Variants in ABHD12 observed in about 807,000 individuals in gnomAD.
The protein encoded by ABHD12 is abhydrolase domain containing 12, lysophospholipase.
Under a neutral mutation model 58.3 loss-of-function variants are expected in ABHD12, and 43 were observed. That is an observed-to-expected ratio of 0.74 (90% CI 0.58 to 0.95). ABHD12 has a LOEUF of 0.95. ABHD12 is among the 40% of genes least tolerant of loss of function. The pLI, the probability that ABHD12 is intolerant of heterozygous loss-of-function variation, is 0.00. For synonymous variants in ABHD12, 219 were observed against 211.2 expected, an observed-to-expected ratio of 1.04 and a Z score of -0.32; for missense variants, 539 against 537.2, an observed-to-expected ratio of 1.00 and a Z score of -0.03.
chr20:25,361,679 G>C (rs1488364401), intron 1 of ABHD12, among the ~76,000 whole-genome samples: 1 of 152,226 alleles, frequency 6.6e-6, no homozygotes, highest in African/African-American at 2.4e-5. Context: ...CCTGGGACCG[G>C]GCGTGGTGGC....
At chr20:25,315,109 T>C (rs2088935340) in intron 5 of ABHD12, 139 bp from the exon 6 acceptor site, 2 of 892,212 alleles carry the variant, frequency 2.2e-6, no homozygotes, top group Admixed American at 3.9e-5. Flanking sequence ...TGTGACATGC[T>C]GCCTGACTCC....
rs550147398 is a variant in ABHD12 at position 25,314,527 on chromosome 20, C to T, written c.619+398G>A. Among the ~76,000 whole-genome samples, 5 of 152,068 alleles carry T rather than the reference C, an allele frequency of 3.3e-5. 1 individual carries two copies. Among genetic ancestry groups the T allele is most frequent in the Admixed American group, 3.3e-4 (5 of 15,262 alleles). On this transcript the variant is annotated intron_variant, in intron 6 of 12. Transcript: ENST00000339157. ...ACCCCATTTCTACTAAAAACAAAAA[C>T]AAAACAGCGGGTGTGGTGTCGCATT...
chr20:25,385,563 C>T (rs2146143369), intron 1 of ABHD12, among the ~76,000 whole-genome samples: 1 of 152,092 alleles, frequency 6.6e-6, no homozygotes, highest in South Asian at 2.1e-4. Context: ...TGAAACAGCA[C>T]TGGCTAGGGT....
At chr20:25,307,617 C>T (rs1250153729) in intron 9 of ABHD12, among the ~76,000 whole-genome samples, 1 of 152,256 alleles carries the variant, frequency 6.6e-6, no homozygotes, top group African/African-American at 2.4e-5. Context: ...AGTCCAGCCC[C>T]CCAAGCACTG....
At chr20:25,296,479 C>T (rs1325138715), downstream of ABHD12, 10 of 1,613,708 alleles carry the variant, frequency 6.2e-6, no homozygotes, top group Non-Finnish European at 6.8e-6. Context: ...GGTGTGGAGC[C>T]CTCCGACCTG....
chr20:25,390,476 GGCCC>G lies in ABHD12; in HGVS notation c.191+33_191+36del, dbSNP rs773991932. 4,039 of 1,032,030 alleles carry G rather than the reference GGCCC, an allele frequency of 3.9e-3. 374 individuals are homozygous for G. The African/African-American group carries it at 0.054, about 14-fold the overall frequency. The allele number at this position is 1,032,030 out of a possible 1,614,324, so 63.9% of individuals were successfully genotyped here. A position where few individuals can be genotyped will look rare whatever the true frequency, so the allele number is the denominator to read the frequency against. ...ACGCACCTGCGCAAAGTGAGGGACC[GGCCC>G]CCCCCCCCCCCCCGCTCCGCGCGAA... On this transcript the variant is annotated intron_variant, in intron 1 of 12. Transcript: ENST00000339157.
chr20:25,294,746 CATT>C (rs1248731961), exon 13 of ABHD12: 24 of 635,078 alleles, frequency 3.8e-5, no homozygotes, highest in Middle Eastern at 4.1e-4. Flanking sequence ...AACGATGTGA[CATT>C]ATAATGTAGT....
intron 4 of ABHD12, among the ~76,000 whole-genome samples, chr20:25,318,045 G>A (rs909978912): frequency 4.6e-5 from 7 of 152,186 alleles, no homozygotes; most frequent in African/African-American, 1.4e-4. Context: ...GGTCAGGTGC[G>A]GTGGTTCACA....
intron 1 of ABHD12, among the ~76,000 whole-genome samples, chr20:25,376,327 A>G (rs577700276): frequency 2.6e-5 from 4 of 152,290 alleles, no homozygotes; most frequent in African/African-American, 9.6e-5. Context: ...AATCTTAACA[A>G]CAATCTCCAT....
intron 8 of ABHD12, 115 bp downstream of exon 8, chr20:25,308,342 C>A (rs774491567): frequency 1.9e-5 from 26 of 1,390,088 alleles, no homozygotes; most frequent in Non-Finnish European, 2.4e-5. Flanking sequence ...CCCGGGCCCC[C>A]CAGAATGTGC....
intron 1 of ABHD12, among the ~76,000 whole-genome samples, chr20:25,359,123 C>T (rs1373202990): frequency 6.7e-6 from 1 of 149,492 alleles, no homozygotes; most frequent in Non-Finnish European, 1.5e-5. Flanking sequence ...AAAAAAATTG[C>T]ATATAACATT....
chr20:25,348,430 G>T (rs1435457847), intron 1 of ABHD12, among the ~76,000 whole-genome samples: 14 of 134,558 alleles, frequency 1.0e-4, no homozygotes, highest in Admixed American at 9.0e-4. Flanking sequence ...ATAATTCAAT[G>T]ACACAAACCA....
intron 1 of ABHD12, among the ~76,000 whole-genome samples, chr20:25,362,667 G>T (rs1250696471): frequency 7.0e-6 from 1 of 143,546 alleles, no homozygotes; most frequent in South Asian, 2.3e-4. Flanking sequence ...ATTTTTACTT[G>T]TTTTTTTTTT....
intron 1 of ABHD12, among the ~76,000 whole-genome samples, chr20:25,356,831 G>A (rs942046518): frequency 4.6e-5 from 7 of 152,164 alleles, no homozygotes; most frequent in Admixed American, 1.3e-4. Context: ...TCTCGAATGA[G>A]GACTGGGCAG....
chr20:25,330,103 C>T (rs1440077425), intron 2 of ABHD12, among the ~76,000 whole-genome samples: 4 of 152,240 alleles, frequency 2.6e-5, no homozygotes, highest in Admixed American at 6.5e-5. Flanking sequence ...TCAGTGGGTA[C>T]GCGCACCGTG....
At chr20:25,320,406 C>T (rs1443094620) in intron 3 of ABHD12, 88 bp from the exon 4 acceptor site, 1 of 1,576,522 alleles carries the variant, frequency 6.3e-7, no homozygotes, top group African/African-American at 1.3e-5. Context: ...TTAATCAGCT[C>T]AAGTCCAGAC....
chr20:25,373,142 C>T (rs375546474), intron 1 of ABHD12, among the ~76,000 whole-genome samples: 2 of 152,200 alleles, frequency 1.3e-5, no homozygotes, highest in South Asian at 4.1e-4. Flanking sequence ...ACACTCTGAT[C>T]TTCGCGTGAC....
At chr20:25,359,685 A>C (rs1456026698) in intron 1 of ABHD12, among the ~76,000 whole-genome samples, 1 of 151,528 alleles carries the variant, frequency 6.6e-6, no homozygotes, top group Non-Finnish European at 1.5e-5. Flanking sequence ...TTCTCATGCC[A>C]TAGCCTCCCA....
chr20:25,309,449 G>A lies in ABHD12; in HGVS notation c.746C>T (p.Thr249Ile). ...PVYIWGHSLG[T>I]GVATNLVRRL... is the part of the protein sequence containing the mutation. ...GCCTCCTGCTGGGGTCCCTTACCCA[G>A]TGCCCAGAGAGTGGCCCCAGATGTA... Residue 249 changes from threonine (T) to isoleucine (I), a missense_variant, in exon 7 of 13, where the codon ACT becomes ATT. By Grantham distance (89) the Thr-to-Ile change is moderately conservative (BLOSUM62 -1). Coordinates refer to ENST00000339157, the MANE Select transcript of ABHD12 (RefSeq NM_001042472.3). 3 of 1,614,154 alleles carry A rather than the reference G, an allele frequency of 1.9e-6. No homozygotes were observed. The highest frequency in any genetic ancestry group is 1.7e-6 in the Non-Finnish European group (2 of 1,180,004).
Sources: gnomAD v4.1 joint callset for allele counts (sites outside exome capture counted in the v4.1 genomes callset) on GRCh38, gnomAD v4.1.1 for gene constraint, MANE v1.5 for transcripts, NCBI Gene and HGNC (gene_info 2026-07-23, HGNC 2026-07-21) for gene names.